BTBD9: variants seen among roughly 807,000 people sequenced by gnomAD.
BTBD9 encodes the protein BTB domain containing 9.
In BTBD9, 49 loss-of-function variants were observed where a neutral mutation model predicts 64.3. The observed-to-expected ratio is 0.76, with a 90% CI of 0.61 to 0.97. The LOEUF is 0.97. Ranked by LOEUF, BTBD9 falls within the 50% of genes least tolerant of loss-of-function variation. The pLI is 0.00. For missense variants in BTBD9, 598 were observed against 762.1 expected, an observed-to-expected ratio of 0.78 and a Z score of 2.53; for synonymous variants, 260 against 274.7, an observed-to-expected ratio of 0.95 and a Z score of 0.53.
Position 38,358,357 on chromosome 6 carries a change from T to C in BTBD9, c.1155-13264A>G, listed in dbSNP as rs565784252. Among the ~76,000 whole-genome samples the C allele has an allele frequency of 3.3e-5, 5 of 152,228 alleles. No homozygotes were observed. In the East Asian group the frequency reaches 9.7e-4, roughly 29 times the overall value. ...TAACAGCTGCTTCAGGAAGACCTGA[T>C]AGATTCAGCTGTGGATCCCCTGTAG... On this transcript the variant is annotated intron_variant, in intron 6 of 10. Coordinates refer to ENST00000481247, the MANE Select transcript of BTBD9 (RefSeq NM_001099272.2).
intron 8 of BTBD9, among the ~76,000 whole-genome samples, chr6:38,260,869 C>T (rs1354636988): frequency 3.3e-5 from 5 of 152,166 alleles, no homozygotes; most frequent in African/African-American, 1.2e-4. Context: ...GTATGGATGT[C>T]TCATACTTTA....
chr6:38,431,074 C>T (rs1768422011), intron 6 of BTBD9, among the ~76,000 whole-genome samples: 1 of 151,890 alleles, frequency 6.6e-6, no homozygotes, highest in African/African-American at 2.4e-5. Flanking sequence ...GTGAAGGGCC[C>T]CATTCTTCAG....
rs1412809919 is a variant in BTBD9, at chr6:38,394,802, G to A, written c.1155-49709C>T. Among the ~76,000 whole-genome samples the A allele has an allele frequency of 1.2e-4, 19 of 152,290 alleles. No homozygotes were observed. In the East Asian group the frequency reaches 2.7e-3, roughly 22 times the overall value. On this transcript the variant is annotated intron_variant, in intron 6 of 10. Transcript: ENST00000481247. ...TGTGGAAAATCTGCCAACGGCCAGT[G>A]TCAACTTTCCAACCATGCAAATGGG... is the stretch of plus-strand genomic sequence containing the variant.
intron 8 of BTBD9, among the ~76,000 whole-genome samples, chr6:38,267,821 T>G (rs1765065638): frequency 6.6e-6 from 1 of 152,100 alleles, no homozygotes; most frequent in African/African-American, 2.4e-5. Flanking sequence ...GCGCCTGTAG[T>G]CCCAGCTACT....
At chr6:38,236,250 T>C (rs1364683240) in intron 9 of BTBD9, among the ~76,000 whole-genome samples, 4 of 152,212 alleles carry the variant, frequency 2.6e-5, no homozygotes, top group Non-Finnish European at 4.4e-5. Context: ...AACACTACTA[T>C]AGATTTTAGG....
intron 2 of BTBD9, chr6:38,595,969 C>A: frequency 1.0e-6 from 1 of 985,342 alleles, no homozygotes; most frequent in Non-Finnish European, 1.2e-6. Context: ...TGATGAGGCT[C>A]CCTTGGAACA....
intron 7 of BTBD9, among the ~76,000 whole-genome samples, chr6:38,326,604 A>G (rs1316712685): frequency 6.6e-6 from 1 of 152,176 alleles, no homozygotes; most frequent in Non-Finnish European, 1.5e-5. Flanking sequence ...TTTGGAATAT[A>G]GTATCAATAT....
intron 6 of BTBD9, among the ~76,000 whole-genome samples, chr6:38,427,263 G>A (rs968877113): frequency 1.3e-5 from 2 of 151,736 alleles, no homozygotes; most frequent in East Asian, 3.9e-4. Flanking sequence ...GCTCAGGCAG[G>A]AGGATTGCTT....
At chr6:38,242,695 A>G (rs187013255) in intron 9 of BTBD9, among the ~76,000 whole-genome samples, 2 of 152,368 alleles carry the variant, frequency 1.3e-5, no homozygotes, top group African/African-American at 4.8e-5. Context: ...ACAATGTATT[A>G]ATAGTATGAG....
rs1761754356 is a variant in BTBD9, at chr6:38,184,970, C to T, written c.1641+7549G>A. Among the ~76,000 whole-genome samples the T allele has an allele frequency of 6.6e-6, 1 of 152,168 alleles. No individual in the cohort carries two copies. Among genetic ancestry groups the T allele is most frequent in the Non-Finnish European group, 1.5e-5 (1 of 68,036 alleles). Reference sequence around the variant, plus strand: ...AGTAGCCACTTGCAGACTTTCTGTCCTGCTGCTGTCGGCCCATGCAGATGC... The same window carrying T: ...AGTAGCCACTTGCAGACTTTCTGTCTTGCTGCTGTCGGCCCATGCAGATGC... On this transcript the variant is annotated intron_variant, in intron 10 of 10. Coordinates refer to ENST00000481247, the MANE Select transcript of BTBD9 (RefSeq NM_001099272.2). The surrounding 1 kb of genome is among the most constrained non-coding windows in gnomAD (Gnocchi z 4.4).
intron 1 of BTBD9, among the ~76,000 whole-genome samples, chr6:38,621,851 C>G (rs1777993143): frequency 6.6e-6 from 1 of 152,190 alleles, no homozygotes; most frequent in Admixed American, 6.5e-5. Context: ...AAATTGCTGC[C>G]AGGCGGAACC....
intron 8 of BTBD9, among the ~76,000 whole-genome samples, chr6:38,267,559 T>G (rs774438524): frequency 6.6e-6 from 1 of 152,220 alleles, no homozygotes; most frequent in Non-Finnish European, 1.5e-5. Context: ...TGGATCATGC[T>G]TCTACAGTGC....
intron 8 of BTBD9, among the ~76,000 whole-genome samples, chr6:38,263,556 G>T (rs916717828): frequency 5.3e-5 from 8 of 152,312 alleles, no homozygotes; most frequent in Non-Finnish European, 1.0e-4. Flanking sequence ...AATTATGTGA[G>T]ATTCCAGCCT....
At chr6:38,443,143 TTAAC>T in intron 6 of BTBD9, among the ~76,000 whole-genome samples, 1 of 152,208 alleles carries the variant, frequency 6.6e-6, no homozygotes, top group Admixed American at 6.5e-5. Flanking sequence ...CATGAACAAT[TTAAC>T]AAACAAAGCT....
At chr6:38,422,077 T>C (rs1400594001) in intron 6 of BTBD9, among the ~76,000 whole-genome samples, 21 of 152,214 alleles carry the variant, frequency 1.4e-4, no homozygotes, top group Non-Finnish European at 2.9e-5. Flanking sequence ...GTTAATTTTC[T>C]AAACCAGGGG....
At chr6:38,179,725 T>C (rs1022672874) in intron 10 of BTBD9, 1 of 456,772 alleles carries the variant, frequency 2.2e-6, no homozygotes, top group African/African-American at 2.0e-5. Flanking sequence ...TGTTCCACTG[T>C]ATCAACATAC....
intron 6 of BTBD9, among the ~76,000 whole-genome samples, chr6:38,391,301 A>G (rs9470868): frequency 0.37 from 56,855 of 152,060 alleles, 12,899 homozygotes; most frequent in East Asian, 0.87. Context: ...AGAATGATGA[A>G]GGGCCACACT....
At chr6:38,343,923 G>A (rs1243117250) in intron 7 of BTBD9, among the ~76,000 whole-genome samples, 1 of 152,196 alleles carries the variant, frequency 6.6e-6, no homozygotes, top group Non-Finnish European at 1.5e-5. Flanking sequence ...ACATTTGCAA[G>A]TTACACTCAT....
intron 6 of BTBD9, among the ~76,000 whole-genome samples, chr6:38,409,106 C>T (rs1408512126): frequency 6.6e-6 from 1 of 152,130 alleles, no homozygotes; most frequent in Non-Finnish European, 1.5e-5. Flanking sequence ...AAAAACTAGC[C>T]AGGCATGATG....
Sources: allele counts gnomAD v4.1 joint callset (sites outside exome capture counted in the v4.1 genomes callset), GRCh38; gene constraint gnomAD v4.1.1; non-coding constraint Gnocchi (gnomAD v3.1); transcripts MANE v1.5; gene names NCBI Gene and HGNC (gene_info 2026-07-23, HGNC 2026-07-21).